Variants in PSMA2 observed in about 807,000 individuals in gnomAD.
PSMA2 encodes the protein proteasome subunit alpha type-2.
A neutral mutation model predicts 35.9 loss-of-function variants in PSMA2; 2 were observed. The ratio of observed to expected loss-of-function variants is 0.06; its 90% CI spans 0.02 to 0.18. The LOEUF (loss-of-function observed/expected upper bound fraction) is 0.18. PSMA2 is among the 10% of genes least tolerant of loss of function. The pLI is 1.00. For synonymous variants in PSMA2, 97 were observed against 98.2 expected (o/e 0.99, Z 0.07); for missense variants, 126 against 278.8 (o/e 0.45, Z 3.90).
At chr7:42,920,609 A>G (rs991830438) in intron 6 of PSMA2, 6 of 152,256 alleles carry the variant, frequency 3.9e-5, no homozygotes, top group Admixed American at 2.0e-4. Flanking sequence ...AAATAAAACA[A>G]ATCATAACAT....
intron 5 of PSMA2, among the ~76,000 whole-genome samples, chr7:42,922,403 G>A: frequency 6.6e-6 from 1 of 152,000 alleles, no homozygotes; most frequent in East Asian, 1.9e-4. Flanking sequence ...TAAAAAGAGA[G>A]CATCTCATTA....
intron 6 of PSMA2, chr7:42,920,198 A>C: frequency 3.2e-6 from 1 of 309,276 alleles, no homozygotes; most frequent in Non-Finnish European, 6.2e-6. Context: ...AAACAGCAAT[A>C]AATAATGAGG....
At chr7:42,922,574 G>C (rs1182525793) in intron 5 of PSMA2, among the ~76,000 whole-genome samples, 1 of 152,158 alleles carries the variant, frequency 6.6e-6, no homozygotes, top group Non-Finnish European at 1.5e-5. Flanking sequence ...CTGTCATTTA[G>C]CTTTGGAAGC....
Position 42,929,462 on chromosome 7 carries a change from C to G in PSMA2, c.42-2003G>C, listed in dbSNP as rs113471157. The stretch of plus-strand genomic sequence containing the variant: ...GTTCCTATTACCTGTACATACCTAT[C>G]TTTACCACTGCATGATTTCACTGCG... On this transcript the variant is annotated intron_variant, in intron 1 of 7. Transcript: ENST00000223321. Among the ~76,000 whole-genome samples, 415 of 152,300 alleles carry G rather than the reference C, an allele frequency of 2.7e-3. 4 individuals are homozygous for G. Among genetic ancestry groups the G allele is most frequent in the African/African-American group, 9.7e-3 (403 of 41,558 alleles).
chr7:42,922,866 CAGA>C (rs1786146979), intron 5 of PSMA2, among the ~76,000 whole-genome samples: 1 of 152,154 alleles, frequency 6.6e-6, no homozygotes, highest in Admixed American at 6.5e-5. Context: ...TGCATTAGAG[CAGA>C]CAACTTACCC....
chr7:42,931,245 G>C (rs561683540), intron 1 of PSMA2: 104 of 399,234 alleles, frequency 2.6e-4, no homozygotes, highest in African/African-American at 2.1e-3. Flanking sequence ...GTTAGATCCC[G>C]CCTGCCTTCA....
At chr7:42,930,481 G>A (rs1251823023) in intron 1 of PSMA2, among the ~76,000 whole-genome samples, 2 of 151,664 alleles carry the variant, frequency 1.3e-5, no homozygotes, top group East Asian at 1.9e-4. Flanking sequence ...TGAACTCCTG[G>A]GCTAAAGTGA....
At chr7:42,920,504 C>T (rs1437507816) in intron 6 of PSMA2, 3 of 152,262 alleles carry the variant, frequency 2.0e-5, no homozygotes, top group Non-Finnish European at 4.4e-5. Context: ...AGAGGGAATA[C>T]ATGATAAAGT....
rs201474457 is a variant in PSMA2, at chr7:42,932,172, G to C, written c.-14C>G. On this transcript the variant is annotated 5_prime_UTR_variant, in exon 1 of 8. Transcript: ENST00000223321. ...GCGCTCCGCCATCTTTACCCGAAGA[G>C]CCAAAGCACAGCCGCACACATGCGC... 1.4e-5 allele frequency: 22 copies of C among 1,614,078 alleles called. No individual in the cohort carries two copies. The highest frequency in any genetic ancestry group is 1.9e-5 in the Non-Finnish European group (22 of 1,180,042).
chr7:42,921,556 T>C (rs1786129376), intron 6 of PSMA2: 1 of 226,160 alleles, frequency 4.4e-6, no homozygotes, highest in African/African-American at 2.3e-5. Flanking sequence ...AGATTCAATG[T>C]TCTTTTTTTT....
At chr7:42,929,898 T>C (rs1374889605) in intron 1 of PSMA2, among the ~76,000 whole-genome samples, 3 of 152,298 alleles carry the variant, frequency 2.0e-5, no homozygotes, top group East Asian at 1.9e-4. Context: ...AATCTTCAAA[T>C]AGCTGGTTAC....
At chr7:42,924,920 T>C (rs562466961) in intron 3 of PSMA2, 123 bp from the exon 4 acceptor site, 56 of 900,978 alleles carry the variant, frequency 6.2e-5, no homozygotes, top group South Asian at 3.9e-4. Context: ...ATGGTGGCTA[T>C]TGGATCAAAG....
At chr7:42,924,396 C>CAATGATTG (rs1440811196) in intron 4 of PSMA2, among the ~76,000 whole-genome samples, 2 of 144,488 alleles carry the variant, frequency 1.4e-5, no homozygotes, top group Admixed American at 1.4e-4. Flanking sequence ...TTTAAAGTTG[C>CAATGATTG]AATGATTGTC....
At chr7:42,927,238 A>G (rs1428279971) in intron 2 of PSMA2, 145 bp downstream of exon 2, 4 of 685,944 alleles carry the variant, frequency 5.8e-6, no homozygotes, top group Non-Finnish European at 9.8e-6. Context: ...ACTTATTACT[A>G]TTTAAACTCC....
At chr7:42,921,657 G>A in intron 6 of PSMA2, 1 of 387,028 alleles carries the variant, frequency 2.6e-6, no homozygotes, top group Non-Finnish European at 4.6e-6. Context: ...AACTCCTTAG[G>A]AAATGAATAT....
chr7:42,921,746 TAC>T (rs1419185707), intron 6 of PSMA2, 110 bp downstream of exon 6: 2 of 792,396 alleles, frequency 2.5e-6, no homozygotes, highest in Non-Finnish European at 4.0e-6. Context: ...TAGATTCATA[TAC>T]AGAGTAATAT....
Position 42,924,624 on chromosome 7 carries a change from T to C in PSMA2, c.374+51A>G, listed in dbSNP as rs2303586. The C allele has an allele frequency of 7.1e-4, 1,107 of 1,564,896 alleles. 13 individuals are homozygous for C. In the East Asian group the frequency reaches 0.02, roughly 28 times the overall value. On this transcript the variant is annotated intron_variant, in intron 4 of 7. Transcript: ENST00000223321. Reference sequence around the variant, plus strand: ...CTATTTATATACCTACTCTTTAAAATAACTTCCCCCTACAATTCATGGCAC... The same window carrying C: ...CTATTTATATACCTACTCTTTAAAACAACTTCCCCCTACAATTCATGGCAC...
chr7:42,921,558 C>T, intron 6 of PSMA2: 1 of 226,974 alleles, frequency 4.4e-6, no homozygotes, highest in Non-Finnish European at 8.5e-6. Context: ...ATTCAATGTT[C>T]TTTTTTTTCC....
At chr7:42,926,016 T>C (rs1786211646) in intron 3 of PSMA2, among the ~76,000 whole-genome samples, 1 of 152,186 alleles carries the variant, frequency 6.6e-6, no homozygotes, top group Non-Finnish European at 1.5e-5. Flanking sequence ...CTGTGAAATA[T>C]AAAGGGGGTG....
Sources: allele counts gnomAD v4.1 joint callset (sites outside exome capture counted in the v4.1 genomes callset), GRCh38; gene constraint gnomAD v4.1.1; transcripts MANE v1.5; gene names NCBI Gene and HGNC (gene_info 2026-07-23, HGNC 2026-07-21).